Variants in MINAR1 observed in about 807,000 individuals in gnomAD.
The protein encoded by MINAR1 is membrane integral NOTCH2 associated receptor 1.
In MINAR1, 40 loss-of-function variants were observed where a neutral mutation model predicts 65.1. That is an observed-to-expected ratio of 0.61 (90% CI 0.48 to 0.80). The LOEUF is 0.80. Ranked by LOEUF, MINAR1 falls within the 30% of genes least tolerant of loss-of-function variation. The pLI is 0.00. For missense variants in MINAR1, 1,128 were observed against 1,148.0 expected, an observed-to-expected ratio of 0.98 and a Z score of 0.25; for synonymous variants, 482 against 449.1, an observed-to-expected ratio of 1.07 and a Z score of -0.93.
the MINAR1 span, chr15:79,420,471 G>A: frequency 6.6e-6 from 1 of 152,210 alleles, no homozygotes; most frequent in African/African-American, 2.4e-5. Context: ...TAATTCAGCT[G>A]TAGGCTTGGG....
intron 1 of MINAR1, among the ~76,000 whole-genome samples, chr15:79,451,770 G>T (rs1371828301): frequency 6.6e-6 from 1 of 152,216 alleles, no homozygotes; most frequent in Admixed American, 6.5e-5. Context: ...ATGGGGGTGG[G>T]GGTGACAGGG....
At position 79,463,265 on chromosome 15, in the gene MINAR1, G is replaced by A. The variant is rs150575699; in HGVS notation, c.2497G>A (p.Glu833Lys). Reference sequence around the variant, plus strand: ...GCGGGGCCAACCTTCTTGGACCATTGAGGAGTATGCACGGAATGCGGGCGA... The same window carrying A: ...GCGGGGCCAACCTTCTTGGACCATTAAGGAGTATGCACGGAATGCGGGCGA... ...VKRGQPSWTI[E>K]EYARNAGDKG... The change falls in exon 3 of 4, where the codon GAG (glutamate) becomes AAG (lysine). Residue 833 changes from glutamate to lysine, a missense_variant. Transcript: ENST00000305428. The A allele has an allele frequency of 1.5e-5, 24 of 1,612,512 alleles. No homozygotes were observed. The African/African-American group carries it at 2.9e-4, about 19-fold the overall frequency.
At chr15:79,421,639 C>A in the MINAR1 span, 1 of 152,132 alleles carries the variant, frequency 6.6e-6, no homozygotes, top group African/African-American at 2.4e-5. Flanking sequence ...AAATGGTCTC[C>A]AAAGGGGCAA....
chr15:79,432,937 A>C (rs1894491596), intron 1 of MINAR1, among the ~76,000 whole-genome samples: 1 of 152,238 alleles, frequency 6.6e-6, no homozygotes. Context: ...CTGACACATC[A>C]GAGGCGCGAA....
rs1375747197 is a variant in MINAR1 at position 79,456,330 on chromosome 15, A to G, written c.183A>G (p.Pro61=). 1.2e-5 allele frequency: 19 copies of G among 1,614,092 alleles called. No homozygotes were observed. Among genetic ancestry groups the G allele is most frequent in the Non-Finnish European group, 1.6e-5 (19 of 1,180,048 alleles). The part of the protein sequence containing the change: ...FYTACLDPNF[P]ATLFKDKMKC... ...CAGCTTGTCTCGATCCCAATTTTCC[A>G]GCCACGCTATTCAAAGACAAGATGA... Residue 61 remains proline, a synonymous_variant, in exon 2 of 4, where the codon CCA becomes CCG. Coordinates refer to ENST00000305428, the MANE Select transcript of MINAR1 (RefSeq NM_015206.3).
chr15:79,419,347 AT>A, the MINAR1 span: 1 of 152,224 alleles, frequency 6.6e-6, no homozygotes, highest in Non-Finnish European at 1.5e-5. Flanking sequence ...CTCCACTGAT[AT>A]TTAAACTGAA....
chr15:79,467,754 CAG>C (rs1895923732), intron 3 of MINAR1, among the ~76,000 whole-genome samples: 4 of 152,192 alleles, frequency 2.6e-5, no homozygotes, highest in Admixed American at 2.6e-4. Flanking sequence ...AGAACTGACT[CAG>C]AGTGCTATGA....
upstream of MINAR1, among the ~76,000 whole-genome samples, chr15:79,428,278 C>CCTTTCT (rs1310725969): frequency 0.017 from 652 of 37,640 alleles, 48 homozygotes; most frequent in East Asian, 0.23. Context: ...TCTTCTCCCT[C>CCTTTCT]TCTCCCTCCC....
chr15:79,417,716 A>G, the MINAR1 span: 2 of 152,218 alleles, frequency 1.3e-5, no homozygotes, highest in African/African-American at 4.8e-5. Context: ...TCCATCTTTA[A>G]AAGTATGGAG....
upstream of MINAR1, among the ~76,000 whole-genome samples, chr15:79,427,605 G>A (rs936045742): frequency 1.3e-5 from 2 of 152,160 alleles, no homozygotes; most frequent in African/African-American, 2.4e-5. Context: ...CCTGCCACTC[G>A]TGGAATTCCT....
intron 1 of MINAR1, among the ~76,000 whole-genome samples, chr15:79,441,896 CTTTA>C (rs1304718995): frequency 1.3e-5 from 2 of 152,110 alleles, no homozygotes; most frequent in South Asian, 2.1e-4. Flanking sequence ...TTCTACTTTG[CTTTA>C]TTTATGATGT....
intron 1 of MINAR1, among the ~76,000 whole-genome samples, chr15:79,438,410 TAGTG>T (rs1289320884): frequency 8.1e-5 from 1 of 12,306 alleles, no homozygotes; most frequent in Non-Finnish European, 2.0e-4. Flanking sequence ...ATGGGGTGGG[TAGTG>T]AGTGTGTGGA....
At chr15:79,448,355 T>A (rs1451142032) in intron 1 of MINAR1, among the ~76,000 whole-genome samples, 1 of 152,236 alleles carries the variant, frequency 6.6e-6, no homozygotes, top group Non-Finnish European at 1.5e-5. Context: ...GATGGCTATC[T>A]CTGGGAGAGA....
chr15:79,468,253 G>A lies in MINAR1; in HGVS notation c.2620G>A (p.Asp874Asn), dbSNP rs758175312. 2.6e-5 allele frequency: 42 copies of A among 1,614,004 alleles called. No homozygotes were observed. The highest frequency in any genetic ancestry group is 3.3e-5 in the Admixed American group (2 of 60,020). The change falls in exon 4 of 4, where the codon GAT (aspartate) becomes AAT (asparagine). Residue 874 changes from aspartate to asparagine, a missense_variant. Asp to Asn is a conservative substitution (Grantham distance 23). Coordinates refer to ENST00000305428, the MANE Select transcript of MINAR1 (RefSeq NM_015206.3). ...GGAAGACATTTATACTCCAGGATAC[G>A]ATTCATTACTAAAACGTAAAGAAGC... is the stretch of plus-strand genomic sequence containing the variant. ...WMEDIYTPGYDSLLKRKEAEF... is the reference protein window; with the variant it reads ...WMEDIYTPGYNSLLKRKEAEF...
At chr15:79,418,897 T>TC in the MINAR1 span, 1 of 152,164 alleles carries the variant, frequency 6.6e-6, no homozygotes, top group African/African-American at 2.4e-5. Flanking sequence ...CAGGGGTGAT[T>TC]CCTTCATCTT....
At chr15:79,464,851 AG>A (rs1895780022) in intron 3 of MINAR1, among the ~76,000 whole-genome samples, 1 of 141,500 alleles carries the variant, frequency 7.1e-6, no homozygotes. Flanking sequence ...GCGGGCAAGG[AG>A]GCTAGACAGG....
chr15:79,435,224 C>T (rs566267931), intron 1 of MINAR1, among the ~76,000 whole-genome samples: 13 of 150,958 alleles, frequency 8.6e-5, no homozygotes, highest in East Asian at 3.9e-4. Context: ...TGCGGTGAGC[C>T]GAGATCATGC....
At chr15:79,466,627 C>T (rs530729913) in intron 3 of MINAR1, among the ~76,000 whole-genome samples, 99 of 152,168 alleles carry the variant, frequency 6.5e-4, no homozygotes, top group East Asian at 2.3e-3. Flanking sequence ...GGCCTGCAGG[C>T]CATAGTGTGT....
chr15:79,445,022 A>C (rs1894975896), intron 1 of MINAR1, among the ~76,000 whole-genome samples: 1 of 152,042 alleles, frequency 6.6e-6, no homozygotes, highest in African/African-American at 2.4e-5. Flanking sequence ...TTTCCTAGAA[A>C]TTTTGTTAAT....
Sources: gnomAD v4.1 joint callset for allele counts (sites outside exome capture counted in the v4.1 genomes callset) on GRCh38, gnomAD v4.1.1 for gene constraint, MANE v1.5 for transcripts, NCBI Gene and HGNC (gene_info 2026-07-23, HGNC 2026-07-21) for gene names.